The following GALNT18 variants were observed in gnomAD, a reference collection of about 807,000 sequenced individuals.
GALNT18 encodes polypeptide N-acetylgalactosaminyltransferase 18.
Under a neutral mutation model 69.5 loss-of-function variants are expected in GALNT18, and 44 were observed. The observed-to-expected ratio is 0.63, with a 90% CI of 0.50 to 0.81. GALNT18 has a LOEUF of 0.81. GALNT18 is among the 40% of genes least tolerant of loss of function. The pLI is 0.00. For synonymous variants in GALNT18, 364 were observed against 318.2 expected (o/e 1.14, Z -1.53); for missense variants, 715 against 810.0 (o/e 0.88, Z 1.42).
chr11:11,445,668 A>C (rs994829072), intron 2 of GALNT18, among the ~76,000 whole-genome samples: 9 of 152,226 alleles, frequency 5.9e-5, no homozygotes, highest in Admixed American at 6.5e-5. Flanking sequence ...ATGTGCAAAG[A>C]GAACCCTCCA....
intron 10 of GALNT18, among the ~76,000 whole-genome samples, chr11:11,273,411 A>G (rs1291266767): frequency 6.6e-6 from 1 of 152,250 alleles, no homozygotes; most frequent in East Asian, 1.9e-4. Context: ...ACATTCCACA[A>G]AAGACTTATA....
At position 11,382,846 on chromosome 11, in the gene GALNT18, G is replaced by A. The variant is rs1166157805; in HGVS notation, c.596-3582C>T. ...AGTAGTATAATTGTGGAAGGAAAAG[G>A]GAAGGTATATTTTGTGCTTGTTTTA... On this transcript the variant is annotated intron_variant, in intron 3 of 10. Coordinates refer to ENST00000227756, the MANE Select transcript of GALNT18 (RefSeq NM_198516.3). This position sits in a 1 kb window ranked among gnomAD's most constrained non-coding sequence, Gnocchi z 4.3. 6.6e-6 allele frequency among the ~76,000 whole-genome samples: 1 copy of A among 152,126 alleles called. No individual in the cohort carries two copies. Among genetic ancestry groups the A allele is most frequent in the Non-Finnish European group, 1.5e-5 (1 of 68,022 alleles).
intron 1 of GALNT18, among the ~76,000 whole-genome samples, chr11:11,557,641 C>A (rs750437963): frequency 3.3e-5 from 5 of 152,214 alleles, no homozygotes; most frequent in Non-Finnish European, 5.9e-5. Context: ...ACACGCTGAG[C>A]ACTCGGTAAC....
intron 1 of GALNT18, among the ~76,000 whole-genome samples, chr11:11,478,471 C>T (rs536930694): frequency 1.3e-5 from 2 of 152,304 alleles, no homozygotes; most frequent in African/African-American, 4.8e-5. Flanking sequence ...GGATAAGGGA[C>T]TCCCTGAGAT....
intron 10 of GALNT18, among the ~76,000 whole-genome samples, chr11:11,272,573 G>A (rs1848849928): frequency 6.6e-6 from 1 of 152,174 alleles, no homozygotes. Context: ...CAAATCCCTT[G>A]TACTTTTCTG....
rs76029366 is a variant in GALNT18 at position 11,365,884 on chromosome 11, C to T, written c.1092+6631G>A. Among the ~76,000 whole-genome samples, 1,338 of 152,310 alleles carry T rather than the reference C, an allele frequency of 8.8e-3. 15 individuals are homozygous for T. Among genetic ancestry groups the T allele is most frequent in the African/African-American group, 0.029 (1,220 of 41,558 alleles). On this transcript the variant is annotated intron_variant, in intron 6 of 10. Transcript: ENST00000227756. ...ACTCTGTCATGTGTAATTCTTGGAA[C>T]TGTAGAAACTGAAAAGAGCTATATG... is the stretch of plus-strand genomic sequence containing the variant.
intron 1 of GALNT18, among the ~76,000 whole-genome samples, chr11:11,539,518 G>C (rs568841891): frequency 6.6e-6 from 1 of 152,124 alleles, no homozygotes; most frequent in Non-Finnish European, 1.5e-5. Flanking sequence ...CTATAGACAC[G>C]AGCCAAACCC....
At chr11:11,566,474 T>C (rs1374048791) in intron 1 of GALNT18, among the ~76,000 whole-genome samples, 1 of 152,240 alleles carries the variant, frequency 6.6e-6, no homozygotes, top group Non-Finnish European at 1.5e-5. Flanking sequence ...CTGAGTGTGA[T>C]AAATACATTG....
Position 11,543,674 on chromosome 11 carries a change from A to G in GALNT18, c.235+77685T>C, listed in dbSNP as rs1359108392. Among the ~76,000 whole-genome samples, 1 of 152,182 alleles carries G rather than the reference A, an allele frequency of 6.6e-6. No individual in the cohort carries two copies. The highest frequency in any genetic ancestry group is 2.4e-5 in the African/African-American group (1 of 41,446). On this transcript the variant is annotated intron_variant, in intron 1 of 10. Coordinates refer to ENST00000227756, the MANE Select transcript of GALNT18 (RefSeq NM_198516.3). This position sits in a 1 kb window ranked among gnomAD's most constrained non-coding sequence, Gnocchi z 5.1. ...CCTCCCCTCGCCACCCACTGACCTG[A>G]TGCGAATCCCATCCATCCCTAGGAC...
At chr11:11,479,810 C>A (rs1856483954) in intron 1 of GALNT18, among the ~76,000 whole-genome samples, 1 of 152,186 alleles carries the variant, frequency 6.6e-6, no homozygotes, top group African/African-American at 2.4e-5. Context: ...CCAATGTTTT[C>A]TTCTGCAAAT....
At chr11:11,271,718 T>C (rs756886623) in intron 10 of GALNT18, among the ~76,000 whole-genome samples, 5 of 152,220 alleles carry the variant, frequency 3.3e-5, no homozygotes, top group Non-Finnish European at 7.3e-5. Flanking sequence ...ATGCCCCCAG[T>C]TGGACCTCTG....
At chr11:11,288,784 T>C (rs996880489) in intron 10 of GALNT18, among the ~76,000 whole-genome samples, 7 of 152,158 alleles carry the variant, frequency 4.6e-5, no homozygotes, top group Admixed American at 3.3e-4. Flanking sequence ...TTAGAGGAAA[T>C]GTATTTTATT....
At position 11,540,646 on chromosome 11, in the gene GALNT18, G is replaced by T. The variant is rs746220773; in HGVS notation, c.235+80713C>A. ...CCTTGGCCTGCCCTGCGATTTGGGGGTGATGCTTTGTGATTTTTCCTGCCA... is the reference window on the plus strand; with the variant it reads ...CCTTGGCCTGCCCTGCGATTTGGGGTTGATGCTTTGTGATTTTTCCTGCCA... On this transcript the variant is annotated intron_variant, in intron 1 of 10. Transcript: ENST00000227756. This position sits in a 1 kb window ranked among gnomAD's most constrained non-coding sequence, Gnocchi z 4.6. Among the ~76,000 whole-genome samples, 7 of 152,116 alleles carry T rather than the reference G, an allele frequency of 4.6e-5. No homozygotes were observed. The highest frequency in any genetic ancestry group is 8.8e-5 in the Non-Finnish European group (6 of 68,032).
chr11:11,358,482 A>G lies in GALNT18; in HGVS notation c.1092+14033T>C, dbSNP rs571547456. ...TTGGACATTTAATAACTCATTTATAAGAACTAGGAAAGACTAAGTCTTGAC... is the reference window on the plus strand; with the variant it reads ...TTGGACATTTAATAACTCATTTATAGGAACTAGGAAAGACTAAGTCTTGAC... On this transcript the variant is annotated intron_variant, in intron 6 of 10. Coordinates refer to ENST00000227756, the MANE Select transcript of GALNT18 (RefSeq NM_198516.3). 1.4e-5 allele frequency among the ~76,000 whole-genome samples: 2 copies of G among 140,416 alleles called. 1 individual carries two copies. The highest frequency in any genetic ancestry group is 3.9e-4 in the East Asian group (2 of 5,168). 92.1% of individuals were successfully genotyped at this position (140,416 alleles called of 152,430 possible). A position where few individuals can be genotyped will look rare whatever the true frequency, so the allele number is the denominator to read the frequency against.
intron 6 of GALNT18, among the ~76,000 whole-genome samples, chr11:11,371,379 A>G (rs1850900432): frequency 6.6e-6 from 1 of 152,258 alleles, no homozygotes. Flanking sequence ...GCAATCCTTC[A>G]GTGGGAATTG....
chr11:11,452,328 T>A (rs1855819489), intron 1 of GALNT18, among the ~76,000 whole-genome samples: 1 of 152,254 alleles, frequency 6.6e-6, no homozygotes, highest in Non-Finnish European at 1.5e-5. Flanking sequence ...ATGGGGTTGA[T>A]AACAATAGTG....
intron 1 of GALNT18, among the ~76,000 whole-genome samples, chr11:11,550,792 G>A (rs1858169875): frequency 6.6e-6 from 1 of 152,348 alleles, no homozygotes; most frequent in South Asian, 2.1e-4. Context: ...GAGCAGCTAA[G>A]TGTTAATTTT....
Position 11,596,864 on chromosome 11 carries a change from T to C in GALNT18, c.235+24495A>G, listed in dbSNP as rs1361950029. Among the ~76,000 whole-genome samples, 1 of 152,184 alleles carries C rather than the reference T, an allele frequency of 6.6e-6. No homozygotes were observed. Among genetic ancestry groups the C allele is most frequent in the Non-Finnish European group, 1.5e-5 (1 of 68,010 alleles). On this transcript the variant is annotated intron_variant, in intron 1 of 10. Coordinates refer to ENST00000227756, the MANE Select transcript of GALNT18 (RefSeq NM_198516.3). The surrounding 1 kb of genome is among the most constrained non-coding windows in gnomAD (Gnocchi z 4.2). ...GGCGTGATGACAGCAGATATGCTTCTGTTGTTCCTGATACTGAATGATCTT... is the reference window on the plus strand; with the variant it reads ...GGCGTGATGACAGCAGATATGCTTCCGTTGTTCCTGATACTGAATGATCTT...
chr11:11,392,152 G>A (rs1313423136), intron 3 of GALNT18, among the ~76,000 whole-genome samples: 6 of 152,138 alleles, frequency 3.9e-5, no homozygotes, highest in Non-Finnish European at 5.9e-5. Context: ...CCTTAAGGAG[G>A]GACCTATGGT....
Sources: allele counts gnomAD v4.1 joint callset (sites outside exome capture counted in the v4.1 genomes callset), GRCh38; gene constraint gnomAD v4.1.1; non-coding constraint Gnocchi (gnomAD v3.1); transcripts MANE v1.5; gene names NCBI Gene and HGNC (gene_info 2026-07-23, HGNC 2026-07-21).